Variants in RANBP17 observed in about 807,000 individuals in gnomAD.
RANBP17 encodes the protein ran-binding protein 17.
In RANBP17, 158 loss-of-function variants were observed where a neutral mutation model predicts 141.2. That is an observed-to-expected ratio of 1.12 (90% CI 0.98 to 1.28). The LOEUF (loss-of-function observed/expected upper bound fraction) is 1.28. RANBP17 is among the 50% of genes most tolerant of loss of function. The probability of loss-of-function intolerance (pLI) is 0.00; values close to 1 mark genes in which losing one functional copy is unlikely to be tolerated. For synonymous variants in RANBP17, 430 were observed against 450.0 expected (o/e 0.96, Z 0.56); for missense variants, 1,438 against 1,290.7 (o/e 1.11, Z -1.75).
chr5:170,884,723 T>C (rs1453638823), intron 3 of RANBP17, among the ~76,000 whole-genome samples: 1 of 152,174 alleles, frequency 6.6e-6, no homozygotes. Context: ...CCAATCCTTC[T>C]GTGTTCACTT....
intron 14 of RANBP17, among the ~76,000 whole-genome samples, chr5:171,133,695 G>A (rs1189300798): frequency 1.3e-5 from 2 of 152,192 alleles, no homozygotes; most frequent in African/African-American, 4.8e-5. Flanking sequence ...TAGATGGTAG[G>A]AAAATTGACA....
rs573325286 is a variant in RANBP17, at chr5:171,137,487, A to G, written c.1711-32643A>G. 4.6e-5 allele frequency among the ~76,000 whole-genome samples: 7 copies of G among 151,772 alleles called. No individual in the cohort carries two copies. In the East Asian group the frequency reaches 1.4e-3, roughly 29 times the overall value. ...GGGTTGTCATTGAAAGTATTGCCTC[A>G]TTATATTTCTTAGTGGTCCCTGTAT... On this transcript the variant is annotated intron_variant, in intron 14 of 27. Coordinates refer to ENST00000523189, the MANE Select transcript of RANBP17 (RefSeq NM_022897.5).
At chr5:171,184,847 A>G (rs1761126006) in intron 18 of RANBP17, among the ~76,000 whole-genome samples, 1 of 152,146 alleles carries the variant, frequency 6.6e-6, no homozygotes, top group South Asian at 2.1e-4. Context: ...ATGTAGATAC[A>G]ATGTACATAT....
chr5:171,146,569 G>A (rs1031472843), intron 14 of RANBP17, among the ~76,000 whole-genome samples: 1 of 152,124 alleles, frequency 6.6e-6, no homozygotes, highest in Non-Finnish European at 1.5e-5. Flanking sequence ...GGTATGTAAT[G>A]TGTTGTATAT....
chr5:171,036,484 C>T (rs985324718), intron 14 of RANBP17, among the ~76,000 whole-genome samples: 3 of 152,012 alleles, frequency 2.0e-5, no homozygotes, highest in Non-Finnish European at 4.4e-5. Context: ...GTCAGGGGTA[C>T]ATATGCAGGT....
At chr5:171,129,936 A>C (rs1328038190) in intron 14 of RANBP17, among the ~76,000 whole-genome samples, 1 of 152,208 alleles carries the variant, frequency 6.6e-6, no homozygotes, top group African/African-American at 2.4e-5. Flanking sequence ...AAACAATAAA[A>C]ATTCTACAAA....
At chr5:171,150,108 T>C (rs1407836701) in intron 14 of RANBP17, among the ~76,000 whole-genome samples, 1 of 152,136 alleles carries the variant, frequency 6.6e-6, no homozygotes, top group Non-Finnish European at 1.5e-5. Context: ...GTTTACCTAC[T>C]GTCAGCCATT....
intron 18 of RANBP17, among the ~76,000 whole-genome samples, chr5:171,190,428 T>C (rs1761549002): frequency 6.6e-6 from 1 of 152,180 alleles, no homozygotes; most frequent in African/African-American, 2.4e-5. Flanking sequence ...AAGCATTTCA[T>C]CATTAGAATA....
intron 19 of RANBP17, among the ~76,000 whole-genome samples, chr5:171,202,854 G>A (rs1205966379): frequency 6.6e-6 from 1 of 152,150 alleles, no homozygotes; most frequent in African/African-American, 2.4e-5. Context: ...TTATTATATA[G>A]TAGAATTATG....
intron 25 of RANBP17, among the ~76,000 whole-genome samples, chr5:171,275,113 G>C (rs1767406896): frequency 6.6e-6 from 1 of 152,142 alleles, no homozygotes; most frequent in Non-Finnish European, 1.5e-5. Context: ...AGAGAGTTGG[G>C]TGACTAAGCA....
At position 170,980,175 on chromosome 5, in the gene RANBP17, T is replaced by C. The variant is rs555464175; in HGVS notation, c.1710+11798T>C. ...TTTAGGGTATCTGGTGGAAGACATT[T>C]CTAAGCAGCAAAACATTCAAGAGGT... is the stretch of plus-strand genomic sequence containing the variant. On this transcript the variant is annotated intron_variant, in intron 14 of 27. Coordinates refer to ENST00000523189, the MANE Select transcript of RANBP17 (RefSeq NM_022897.5). Among the ~76,000 whole-genome samples, 17 of 152,302 alleles carry C rather than the reference T, an allele frequency of 1.1e-4. No homozygotes were observed. In the South Asian group the frequency reaches 3.3e-3, roughly 30 times the overall value.
intron 11 of RANBP17, among the ~76,000 whole-genome samples, chr5:170,921,172 A>G (rs571106567): frequency 1.3e-5 from 2 of 152,270 alleles, no homozygotes; most frequent in Admixed American, 6.5e-5. Flanking sequence ...GCCCATGCCT[A>G]TGTCCTGAAT....
At chr5:171,205,672 G>A (rs141224917) in intron 20 of RANBP17, 60 bp downstream of exon 20, 17 of 1,353,436 alleles carry the variant, frequency 1.3e-5, no homozygotes, top group Admixed American at 1.7e-5. Flanking sequence ...CAGGCCCCTC[G>A]CTTTCGTTTA....
chr5:171,081,897 T>A (rs1033814145), intron 14 of RANBP17, among the ~76,000 whole-genome samples: 7 of 152,148 alleles, frequency 4.6e-5, no homozygotes, highest in African/African-American at 1.7e-4. Context: ...TTTAGAGCAG[T>A]CACTTAATGT....
intron 14 of RANBP17, among the ~76,000 whole-genome samples, chr5:171,018,148 G>C (rs1220255401): frequency 6.6e-6 from 1 of 152,054 alleles, no homozygotes; most frequent in East Asian, 1.9e-4. Flanking sequence ...TGTTGTTTTG[G>C]TTACTGTAGC....
intron 14 of RANBP17, among the ~76,000 whole-genome samples, chr5:171,063,735 C>CT (rs1203961911): frequency 6.6e-6 from 1 of 152,214 alleles, no homozygotes; most frequent in Non-Finnish European, 1.5e-5. Context: ...TTACTGCTGT[C>CT]TTTTTGTTTG....
chr5:171,145,722 A>C (rs1757990115), intron 14 of RANBP17, among the ~76,000 whole-genome samples: 1 of 152,208 alleles, frequency 6.6e-6, no homozygotes, highest in South Asian at 2.1e-4. Flanking sequence ...AAATAGGCCC[A>C]AAGTATATGT....
intron 14 of RANBP17, among the ~76,000 whole-genome samples, chr5:171,107,029 TTTG>T (rs5873254): frequency 4.1e-4 from 62 of 151,206 alleles, no homozygotes; most frequent in African/African-American, 1.4e-3. Context: ...CTTTTGTTTG[TTTG>T]TTGTTGTTGT....
At chr5:171,027,100 A>C (rs748388801) in intron 14 of RANBP17, among the ~76,000 whole-genome samples, 15 of 152,104 alleles carry the variant, frequency 9.9e-5, no homozygotes, top group Non-Finnish European at 1.8e-4. Flanking sequence ...CCGTCCAGGG[A>C]AAAATTTGGT....
Sources: allele counts gnomAD v4.1 joint callset (sites outside exome capture counted in the v4.1 genomes callset), GRCh38; gene constraint gnomAD v4.1.1; transcripts MANE v1.5; gene names NCBI Gene and HGNC (gene_info 2026-07-23, HGNC 2026-07-21).